Variants in ZNF469 observed in about 807,000 individuals in gnomAD.
ZNF469 encodes the protein zinc finger protein 469.
A neutral mutation model predicts 1.0 loss-of-function variants in ZNF469; 1 was observed. The ratio of observed to expected loss-of-function variants is 1.00; its 90% confidence interval spans 0.35 to 4.73. The LOEUF is 4.73. Among genes scored for constraint, ZNF469 ranks in the 30% most tolerant of loss-of-function variants. The pLI is 0.16. For missense variants in ZNF469, 6,100 were observed against 5,356.3 expected (o/e 1.14, Z -4.33); for synonymous variants, 2,703 against 2,363.4 (o/e 1.14, Z -4.17).
At position 88,429,352 on chromosome 16, in the gene ZNF469, C is replaced by A. The variant is rs886052393; in HGVS notation, c.1882C>A (p.Pro628Thr). 25 of 1,549,700 alleles carry A rather than the reference C, an allele frequency of 1.6e-5. No individual in the cohort carries two copies. The highest frequency in any genetic ancestry group is 2.2e-5 in the Non-Finnish European group (25 of 1,146,746). ...PSSEESQLPG[P>T]LGPSAFFHPP... ...CTCAGAGGAAAGCCAGCTCCCCGGC[C>A]CCCTCGGGCCCTCGGCCTTCTTCCA... The change falls in exon 3 of 3, where the codon CCC (proline) becomes ACC (threonine). Residue 628 changes from proline (P) to threonine (T), a missense_variant. Coordinates refer to ENST00000565624, the MANE Select transcript of ZNF469 (RefSeq NM_001367624.2).
At chr16:88,386,755 C>T (rs1023766572) in intron 1 of ZNF469, among the ~76,000 whole-genome samples, 5 of 152,198 alleles carry the variant, frequency 3.3e-5, no homozygotes, top group African/African-American at 4.8e-5. Context: ...GAGCCAGCCT[C>T]GTTCTCTGAT....
chr16:88,264,991 C>T, the ZNF469 span, among the ~76,000 whole-genome samples: 1 of 152,028 alleles, frequency 6.6e-6, no homozygotes, highest in African/African-American at 2.4e-5. Context: ...AGGGAGACGC[C>T]CATTTTCTTC....
the ZNF469 span, among the ~76,000 whole-genome samples, chr16:88,323,274 G>T: frequency 6.6e-6 from 1 of 152,144 alleles, no homozygotes; most frequent in Non-Finnish European, 1.5e-5. Context: ...CCCCTGGGAG[G>T]CTGGGGACAC....
chr16:88,184,124 C>G, the ZNF469 span, among the ~76,000 whole-genome samples: 1 of 151,988 alleles, frequency 6.6e-6, no homozygotes, highest in South Asian at 2.1e-4. Flanking sequence ...CACTGTGGCC[C>G]CCGTGTAAAC....
upstream of ZNF469, among the ~76,000 whole-genome samples, chr16:88,380,160 CACAG>C (rs1282317758): frequency 1.3e-5 from 2 of 150,104 alleles, no homozygotes; most frequent in Non-Finnish European, 3.0e-5. Context: ...CAAATGCACT[CACAG>C]ACATGCACTC....
the ZNF469 span, among the ~76,000 whole-genome samples, chr16:88,171,138 T>C: frequency 6.6e-6 from 1 of 152,228 alleles, no homozygotes; most frequent in South Asian, 2.1e-4. Context: ...TTTAGCAAGG[T>C]AGGCATTTAC....
chr16:88,304,559 C>T, the ZNF469 span, among the ~76,000 whole-genome samples: 34 of 152,092 alleles, frequency 2.2e-4, no homozygotes, highest in African/African-American at 6.8e-4. Context: ...CATATCCACC[C>T]GACTCAGCTC....
Position 88,427,554 on chromosome 16 carries a change from G to C in ZNF469, c.84G>C (p.Gly28=). The C allele has an allele frequency of 6.5e-7, 1 of 1,536,922 alleles. No individual in the cohort carries two copies. Among genetic ancestry groups the C allele is most frequent in the Non-Finnish European group, 8.7e-7 (1 of 1,146,342 alleles). The change falls in exon 3 of 3, where the codon GGG becomes GGC. Residue 28 remains glycine, a synonymous_variant. Coordinates refer to ENST00000565624, the MANE Select transcript of ZNF469 (RefSeq NM_001367624.2). Reference sequence around the variant, plus strand: ...CCCGCCAAGTTGCCAGCAGCCCGGGGCACCCCTCCCAGCCGCCACTGGAGG... The same window carrying C: ...CCCGCCAAGTTGCCAGCAGCCCGGGCCACCCCTCCCAGCCGCCACTGGAGG... ...LQPRQVASSP[G]HPSQPPLEDN...
At chr16:88,273,571 G>A in the ZNF469 span, among the ~76,000 whole-genome samples, 14 of 152,208 alleles carry the variant, frequency 9.2e-5, no homozygotes, top group Non-Finnish European at 1.5e-4. Flanking sequence ...AAATGGCACC[G>A]CATCTGTGGA....
the ZNF469 span, among the ~76,000 whole-genome samples, chr16:88,223,046 A>G: frequency 6.9e-4 from 105 of 152,364 alleles, no homozygotes; most frequent in African/African-American, 2.4e-3. Context: ...CTGAAGCATG[A>G]TGATGTTCCC....
the ZNF469 span, chr16:88,100,958 C>T: frequency 3.7e-6 from 1 of 269,064 alleles, no homozygotes; most frequent in South Asian, 3.2e-5. Context: ...CCCCAACGCG[C>T]TGCTGCTGCT....
At chr16:88,240,870 C>T in the ZNF469 span, among the ~76,000 whole-genome samples, 2 of 152,118 alleles carry the variant, frequency 1.3e-5, no homozygotes, top group African/African-American at 4.8e-5. Context: ...CCTCAGTGTG[C>T]CCCAGCCTGC....
the ZNF469 span, among the ~76,000 whole-genome samples, chr16:88,158,981 G>T: frequency 6.6e-6 from 1 of 152,168 alleles, no homozygotes; most frequent in South Asian, 2.1e-4. Context: ...GGTCCAGTGG[G>T]GCTTCCTATG....
the ZNF469 span, among the ~76,000 whole-genome samples, chr16:88,205,058 T>A: frequency 1.3e-5 from 2 of 152,176 alleles, no homozygotes; most frequent in Admixed American, 1.3e-4. The surrounding 1 kb of genome is among the most constrained non-coding windows in gnomAD (Gnocchi z 4.2). Context: ...GCCATTGTGT[T>A]CCAGGCCTCC....
chr16:88,317,188 A>G, the ZNF469 span, among the ~76,000 whole-genome samples: 2 of 152,180 alleles, frequency 1.3e-5, no homozygotes, highest in East Asian at 3.9e-4. Flanking sequence ...CCTGGCCCTC[A>G]GCTGTCAGGC....
chr16:88,433,274 T>A lies in ZNF469; in HGVS notation c.5804T>A (p.Val1935Glu). The change falls in exon 3 of 3, where the codon GTG (valine) becomes GAG (glutamate). Residue 1935 changes from valine (V) to glutamate (E), a missense_variant. Physicochemically the swap from Val to Glu is moderately radical, Grantham distance 121. Coordinates refer to ENST00000565624, the MANE Select transcript of ZNF469 (RefSeq NM_001367624.2). ...CCTGCTGCCCAGAGCCCTCCACGAGTGAACCCCTCAGGTCTGGAAGGGGGC... is the reference window on the plus strand; with the variant it reads ...CCTGCTGCCCAGAGCCCTCCACGAGAGAACCCCTCAGGTCTGGAAGGGGGC... ...LTPAAQSPPR[V>E]NPSGLEGGTV... 6.5e-7 allele frequency: 1 copy of A among 1,550,076 alleles called. No homozygotes were observed. Among genetic ancestry groups the A allele is most frequent in the Non-Finnish European group, 8.7e-7 (1 of 1,146,888 alleles).
the ZNF469 span, among the ~76,000 whole-genome samples, chr16:88,267,134 C>T: frequency 1.3e-5 from 2 of 152,224 alleles, no homozygotes; most frequent in African/African-American, 4.8e-5. Flanking sequence ...TGGCGGCACC[C>T]TCCATCGGCG....
At chr16:88,261,596 C>T in the ZNF469 span, among the ~76,000 whole-genome samples, 9 of 152,188 alleles carry the variant, frequency 5.9e-5, no homozygotes, top group Admixed American at 3.9e-4. The surrounding 1 kb of genome is among the most constrained non-coding windows in gnomAD (Gnocchi z 6.0). Context: ...GTAAAGAGCT[C>T]ATTTTGGTGG....
At chr16:88,401,851 C>A (rs1437560794) in intron 1 of ZNF469, among the ~76,000 whole-genome samples, 1 of 136,052 alleles carries the variant, frequency 7.4e-6, no homozygotes, top group African/African-American at 2.7e-5. Context: ...TGGATGGATA[C>A]AAGGGTGGAG....
Sources: gnomAD v4.1 joint callset for allele counts (sites outside exome capture counted in the v4.1 genomes callset) on GRCh38, gnomAD v4.1.1 for gene constraint, Gnocchi (gnomAD v3.1) non-coding constraint, MANE v1.5 for transcripts, NCBI Gene and HGNC (gene_info 2026-07-23, HGNC 2026-07-21) for gene names.